The following ZFPM2 variants were observed in gnomAD, a reference collection of about 807,000 sequenced individuals.
ZFPM2 encodes zinc finger protein ZFPM2.
Under a neutral mutation model 98.6 loss-of-function variants are expected in ZFPM2, and 20 were observed. The ratio of observed to expected loss-of-function variants is 0.20; its 90% confidence interval spans 0.14 to 0.29. The LOEUF is 0.29. Ranked by LOEUF, ZFPM2 falls within the 10% of genes least tolerant of loss-of-function variation. The pLI is 1.00. For missense variants in ZFPM2, 1,310 were observed against 1,388.6 expected (o/e 0.94, Z 0.90); for synonymous variants, 518 against 502.7 (o/e 1.03, Z -0.41).
intron 3 of ZFPM2, among the ~76,000 whole-genome samples, chr8:105,509,586 T>C (rs182205218): frequency 1.9e-3 from 286 of 152,304 alleles, no homozygotes; most frequent in Non-Finnish European, 3.6e-3. Flanking sequence ...AAAATGGAAA[T>C]ACTATTAAAG....
chr8:105,554,775 TCATCAA>T (rs1261258310), intron 3 of ZFPM2, among the ~76,000 whole-genome samples: 2 of 152,156 alleles, frequency 1.3e-5, no homozygotes, highest in Admixed American at 1.3e-4. Flanking sequence ...TATGTTTATA[TCATCAA>T]CTTAATGGTG....
chr8:105,433,475 G>A (rs182914753), intron 2 of ZFPM2, among the ~76,000 whole-genome samples: 8 of 152,130 alleles, frequency 5.3e-5, no homozygotes, highest in Admixed American at 2.0e-4. Context: ...ACTACAAATG[G>A]CAGTAGTCAT....
At chr8:105,580,867 T>G (rs899583578) in intron 4 of ZFPM2, among the ~76,000 whole-genome samples, 15 of 150,268 alleles carry the variant, frequency 1.0e-4, no homozygotes, top group African/African-American at 3.7e-4. Flanking sequence ...GAAAAAATCT[T>G]TTTGATCACA....
At chr8:105,436,896 T>C (rs1367236487) in intron 2 of ZFPM2, among the ~76,000 whole-genome samples, 2 of 152,236 alleles carry the variant, frequency 1.3e-5, no homozygotes, top group African/African-American at 4.8e-5. Context: ...GAATCTGATC[T>C]TGATGACATG....
At chr8:105,491,632 T>G (rs1413940506) in intron 3 of ZFPM2, among the ~76,000 whole-genome samples, 1 of 152,188 alleles carries the variant, frequency 6.6e-6, no homozygotes, top group East Asian at 1.9e-4. Context: ...CAAGATGAAT[T>G]TGTCTGTAAT....
At chr8:105,546,193 A>G (rs886997763) in intron 3 of ZFPM2, among the ~76,000 whole-genome samples, 1 of 152,110 alleles carries the variant, frequency 6.6e-6, no homozygotes, top group Non-Finnish European at 1.5e-5. Context: ...TAGATTGGCT[A>G]ATTGCGATTA....
chr8:105,668,667 C>T (rs2130899704), intron 5 of ZFPM2, among the ~76,000 whole-genome samples: 1 of 152,182 alleles, frequency 6.6e-6, no homozygotes, highest in South Asian at 2.1e-4. Flanking sequence ...AACAGTTCAC[C>T]AAACCTGTTA....
chr8:105,481,893 C>A, intron 3 of ZFPM2, among the ~76,000 whole-genome samples: 1 of 152,260 alleles, frequency 6.6e-6, no homozygotes, highest in African/African-American at 2.4e-5. Context: ...GCAACAACAG[C>A]AACTTATTGC....
At chr8:105,436,860 T>C (rs1249611006) in intron 2 of ZFPM2, among the ~76,000 whole-genome samples, 1 of 152,202 alleles carries the variant, frequency 6.6e-6, no homozygotes, top group African/African-American at 2.4e-5. Context: ...GCTTAAGAGA[T>C]GATAGCCATG....
intron 4 of ZFPM2, among the ~76,000 whole-genome samples, chr8:105,626,340 A>G (rs866245247): frequency 6.6e-6 from 1 of 152,202 alleles, no homozygotes; most frequent in African/African-American, 2.4e-5. Context: ...TTCAAATTCA[A>G]TTCACTGTCC....
chr8:105,752,560 C>T (rs1288087617), intron 5 of ZFPM2, among the ~76,000 whole-genome samples: 2 of 152,132 alleles, frequency 1.3e-5, no homozygotes, highest in African/African-American at 4.8e-5. Flanking sequence ...CCTTCTTTGT[C>T]AACGTAGAAC....
rs143526200 is a variant in ZFPM2 at position 105,332,325 on chromosome 8, C to T, written c.40+13344C>T. On this transcript the variant is annotated intron_variant, in intron 1 of 7. Coordinates refer to ENST00000407775, the MANE Select transcript of ZFPM2 (RefSeq NM_012082.4). ...GAATGTAAGCTCTCTGGGTGTGTGA[C>T]CTAGTCTTGTTCACTTCTATAACTA... Among the ~76,000 whole-genome samples the T allele has an allele frequency of 5.0e-3, 766 of 151,782 alleles. 5 individuals are homozygous for T. Among genetic ancestry groups the T allele is most frequent in the Middle Eastern group, 0.01 (3 of 294 alleles).
chr8:105,449,120 G>A (rs181553689), intron 3 of ZFPM2, among the ~76,000 whole-genome samples: 16 of 151,956 alleles, frequency 1.1e-4, no homozygotes, highest in Admixed American at 7.9e-4. Context: ...GCTAATTCTC[G>A]GAATTACCTT....
At chr8:105,773,703 TAAATA>T (rs1258954372) in intron 5 of ZFPM2, among the ~76,000 whole-genome samples, 1 of 151,020 alleles carries the variant, frequency 6.6e-6, no homozygotes, top group Non-Finnish European at 1.5e-5. Context: ...AAAAATAAAA[TAAATA>T]AAATAAACAA....
At chr8:105,572,033 C>CTTTTTTTTTT (rs869198147) in intron 4 of ZFPM2, among the ~76,000 whole-genome samples, 1 of 103,372 alleles carries the variant, frequency 9.7e-6, no homozygotes, top group Non-Finnish European at 1.9e-5. Flanking sequence ...GGGTAAATTT[C>CTTTTTTTTTT]TTTTTTTTTT....
chr8:105,582,353 G>A (rs186392698), intron 4 of ZFPM2, among the ~76,000 whole-genome samples: 1 of 152,280 alleles, frequency 6.6e-6, no homozygotes, highest in Admixed American at 6.5e-5. Flanking sequence ...TGTGCCCCAA[G>A]GGACACAGAG....
At chr8:105,594,503 A>C (rs62527243) in intron 4 of ZFPM2, among the ~76,000 whole-genome samples, 13,400 of 152,102 alleles carry the variant, frequency 0.088, 610 homozygotes, top group African/African-American at 0.12. Flanking sequence ...GTTTTATTAA[A>C]AGCCTAAATA....
intron 5 of ZFPM2, among the ~76,000 whole-genome samples, chr8:105,720,138 G>A (rs1811623342): frequency 1.3e-5 from 2 of 151,820 alleles, no homozygotes; most frequent in African/African-American, 2.4e-5. Context: ...CACTGATTGC[G>A]AATTTTACTA....
rs368339123 is a variant in ZFPM2, at chr8:105,549,599, A to ATC, written c.302-11748_302-11747dup. Among the ~76,000 whole-genome samples, 104 of 77,824 alleles carry ATC rather than the reference A, an allele frequency of 1.3e-3. No homozygotes were observed. The East Asian group carries it at 0.029, about 22-fold the overall frequency. 51.1% of individuals were successfully genotyped at this position (77,824 alleles called of 152,430 possible). On this transcript the variant is annotated intron_variant, in intron 3 of 7. Coordinates refer to ENST00000407775, the MANE Select transcript of ZFPM2 (RefSeq NM_012082.4). The stretch of plus-strand genomic sequence containing the variant: ...CCTTCGTTCCTTCTTTCCTTCCTCT[A>ATC]TCTCTCTCTCTCTCTCTTTTTTTTT...
Sources: gnomAD v4.1 joint callset for allele counts (sites outside exome capture counted in the v4.1 genomes callset) on GRCh38, gnomAD v4.1.1 for gene constraint, MANE v1.5 for transcripts, NCBI Gene and HGNC (gene_info 2026-07-23, HGNC 2026-07-21) for gene names.